RELN: variants seen among roughly 807,000 people sequenced by gnomAD.
RELN encodes reelin.
Under a neutral mutation model 427.6 loss-of-function variants are expected in RELN, and 108 were observed. That is an observed-to-expected ratio of 0.25 (90% CI 0.22 to 0.30). The LOEUF (loss-of-function observed/expected upper bound fraction) is 0.30, where lower values mean the gene tolerates loss of function less well. Ranked by LOEUF, RELN falls within the 10% of genes least tolerant of loss-of-function variation. RELN has a pLI of 1.00. For synonymous variants in RELN, 1,524 were observed against 1,513.4 expected (o/e 1.01, Z -0.16); for missense variants, 3,715 against 4,302.8 (o/e 0.86, Z 3.82).
At chr7:103,851,597 TGGGGTGCCCA>T (rs1271681625) in intron 2 of RELN, among the ~76,000 whole-genome samples, 1 of 152,224 alleles carries the variant, frequency 6.6e-6, no homozygotes, top group Non-Finnish European at 1.5e-5. Flanking sequence ...CTTCTTCCTG[TGGGGTGCCCA>T]GAAACTTAAT....
chr7:103,496,467 A>G, intron 56 of RELN, 59 bp downstream of exon 56: 5 of 1,609,902 alleles, frequency 3.1e-6, no homozygotes, highest in Non-Finnish European at 4.3e-6. Context: ...ATCTATCTGA[A>G]GACATAAGCA....
intron 2 of RELN, among the ~76,000 whole-genome samples, chr7:103,889,705 T>G (rs1794803740): frequency 6.6e-6 from 1 of 152,132 alleles, no homozygotes; most frequent in South Asian, 2.1e-4. Flanking sequence ...GGTTTGACAC[T>G]GTAAATATTG....
chr7:103,731,550 G>A (rs959418185), intron 6 of RELN, among the ~76,000 whole-genome samples: 2 of 151,958 alleles, frequency 1.3e-5, no homozygotes, highest in African/African-American at 2.4e-5. Flanking sequence ...TTAAATTACT[G>A]TCCAAGGTTA....
intron 25 of RELN, among the ~76,000 whole-genome samples, chr7:103,595,892 A>G (rs961615971): frequency 2.0e-5 from 3 of 152,160 alleles, no homozygotes; most frequent in African/African-American, 7.2e-5. Context: ...AACACGAGTC[A>G]TCTCCCCAAA....
Position 103,667,977 on chromosome 7 carries a change from C to T in RELN, c.1290-6450G>A, listed in dbSNP as rs930061054. On this transcript the variant is annotated intron_variant, in intron 11 of 64. Coordinates refer to ENST00000428762, the MANE Select transcript of RELN (RefSeq NM_005045.4). ...GGGAGTGGTGGCTCATGCCTGTAATCCCAGCACTCTGGGAGGCCAAGGTGG... is the reference window on the plus strand; with the variant it reads ...GGGAGTGGTGGCTCATGCCTGTAATTCCAGCACTCTGGGAGGCCAAGGTGG... Among the ~76,000 whole-genome samples the T allele has an allele frequency of 2.0e-4, 30 of 152,284 alleles. 1 individual carries two copies. Among genetic ancestry groups the T allele is most frequent in the African/African-American group, 7.2e-4 (30 of 41,570 alleles).
intron 3 of RELN, among the ~76,000 whole-genome samples, chr7:103,782,011 G>A (rs1032636854): frequency 7.2e-5 from 11 of 151,920 alleles, no homozygotes; most frequent in Non-Finnish European, 1.5e-4. Context: ...TCTTAAACAC[G>A]TTTCTAATAA....
intron 2 of RELN, among the ~76,000 whole-genome samples, chr7:103,855,502 A>G (rs1793924109): frequency 6.6e-6 from 1 of 152,250 alleles, no homozygotes; most frequent in African/African-American, 2.4e-5. Context: ...GCAAGAGGCC[A>G]GGCAAGGCAT....
chr7:103,621,983 T>C (rs1162808622), intron 20 of RELN, among the ~76,000 whole-genome samples: 1 of 152,168 alleles, frequency 6.6e-6, no homozygotes, highest in Non-Finnish European at 1.5e-5. Flanking sequence ...GACACTGCAC[T>C]CCAGCCTGGG....
chr7:103,669,852 C>A (rs1177587848), intron 11 of RELN, among the ~76,000 whole-genome samples: 2 of 151,818 alleles, frequency 1.3e-5, no homozygotes, highest in Non-Finnish European at 2.9e-5. Context: ...ATGATTAATT[C>A]TAAAATTAAA....
intron 4 of RELN, among the ~76,000 whole-genome samples, chr7:103,763,724 G>A (rs1342995595): frequency 6.6e-6 from 1 of 152,134 alleles, no homozygotes; most frequent in Non-Finnish European, 1.5e-5. Flanking sequence ...TCTGGTGTCA[G>A]GTGAGGGTGA....
At chr7:103,714,543 T>A (rs1167930897) in intron 8 of RELN, among the ~76,000 whole-genome samples, 1 of 152,220 alleles carries the variant, frequency 6.6e-6, no homozygotes, top group Non-Finnish European at 1.5e-5. Context: ...CCCTGACGTC[T>A]GACAGTGTGT....
chr7:103,519,356 A>G lies in RELN; in HGVS notation c.7829T>C (p.Met2610Thr). Residue 2610 changes from methionine (M) to threonine (T), a missense_variant, in exon 49 of 65, where the codon ATG (methionine) becomes ACG (threonine). Met to Thr is a moderately conservative substitution (Grantham distance 81). Transcript: ENST00000428762. ...ACTGTACTGGTCATAGAAAATCTCC[A>G]TGAGCAGGTTCCAGGTAATGCCTCC... ...VNGGITWNLL[M>T]EIFYDQYSKP... The G allele has an allele frequency of 1.2e-6, 2 of 1,613,850 alleles. No individual in the cohort carries two copies. The highest frequency in any genetic ancestry group is 2.2e-5 in the East Asian group (1 of 44,884).
intron 11 of RELN, among the ~76,000 whole-genome samples, chr7:103,677,753 G>A (rs907113065): frequency 9.1e-5 from 10 of 109,552 alleles, no homozygotes; most frequent in African/African-American, 3.6e-4. Flanking sequence ...GCGACAGAGT[G>A]AGAATCTGTC....
chr7:103,635,312 T>G, intron 19 of RELN, 113 bp downstream of exon 19: 1 of 1,144,964 alleles, frequency 8.7e-7, no homozygotes, highest in Non-Finnish European at 1.3e-6. Context: ...TCAATCTTTG[T>G]GCGCTCCATC....
chr7:103,732,757 G>A (rs1790386835), intron 6 of RELN, among the ~76,000 whole-genome samples: 1 of 152,122 alleles, frequency 6.6e-6, no homozygotes, highest in African/African-American at 2.4e-5. Flanking sequence ...CACTTTCTCA[G>A]AATGCCTCTG....
intron 2 of RELN, among the ~76,000 whole-genome samples, chr7:103,849,294 T>C (rs1250681052): frequency 7.3e-6 from 1 of 136,908 alleles, no homozygotes; most frequent in Non-Finnish European, 1.6e-5. Flanking sequence ...TCACCAGGTC[T>C]TTCTTATTAT....
chr7:103,755,322 A>G (rs1188968314), intron 4 of RELN, among the ~76,000 whole-genome samples: 1 of 151,822 alleles, frequency 6.6e-6, no homozygotes. Context: ...AAAAAATAAA[A>G]AAATGGCCAG....
At position 103,989,550 on chromosome 7, in the gene RELN, C is replaced by T. The variant is rs1055983687; in HGVS notation, c.-194G>A. On this transcript the variant is annotated 5_prime_UTR_variant, in exon 1 of 65. Coordinates refer to ENST00000428762, the MANE Select transcript of RELN (RefSeq NM_005045.4). The surrounding 1 kb of genome is among the most constrained non-coding windows in gnomAD (Gnocchi z 4.9). Reference sequence around the variant, plus strand: ...CGGGAGACGGCGGCTCCCAAAGTTACTTTGGGCCGCGGGAGCGCGGGACCG... The same window carrying T: ...CGGGAGACGGCGGCTCCCAAAGTTATTTTGGGCCGCGGGAGCGCGGGACCG... The T allele has an allele frequency of 2.2e-6, 1 of 463,552 alleles. No individual in the cohort carries two copies. Among genetic ancestry groups the T allele is most frequent in the Non-Finnish European group, 3.5e-6 (1 of 282,436 alleles). The allele number at this position is 463,552 out of a possible 1,614,324, so 28.7% of individuals were successfully genotyped here.
intron 51 of RELN, among the ~76,000 whole-genome samples, chr7:103,510,167 C>T (rs1829358694): frequency 6.6e-6 from 1 of 152,178 alleles, no homozygotes. Flanking sequence ...ATAAATCATT[C>T]TACTATAAAA....
Sources: allele counts gnomAD v4.1 joint callset (sites outside exome capture counted in the v4.1 genomes callset), GRCh38; gene constraint gnomAD v4.1.1; non-coding constraint Gnocchi (gnomAD v3.1); transcripts MANE v1.5; gene names NCBI Gene and HGNC (gene_info 2026-07-23, HGNC 2026-07-21).